The following ZSWIM8 variants were observed in gnomAD, a reference collection of about 807,000 sequenced individuals.
ZSWIM8 encodes the protein zinc finger SWIM-type containing 8.
Under a neutral mutation model 173.7 loss-of-function variants are expected in ZSWIM8, and 27 were observed. That is an observed-to-expected ratio of 0.16 (90% CI 0.11 to 0.21). The LOEUF is 0.21. ZSWIM8 is among the 10% of genes least tolerant of loss of function. ZSWIM8 has a pLI of 1.00. For synonymous variants in ZSWIM8, 958 were observed against 962.0 expected, an observed-to-expected ratio of 1.00 and a Z score of 0.08; for missense variants, 1,627 against 2,428.8, an observed-to-expected ratio of 0.67 and a Z score of 6.94.
intron 1 of ZSWIM8, among the ~76,000 whole-genome samples, chr10:73,787,560 TA>T (rs1373189936): frequency 6.6e-6 from 1 of 152,072 alleles, no homozygotes; most frequent in African/African-American, 2.4e-5. Context: ...ACTTGTAAAA[TA>T]AAGGGGTTGG....
At position 73,794,269 on chromosome 10, in the gene ZSWIM8, C is replaced by T; in HGVS notation, c.2748C>T (p.Asp916=). The change falls in exon 13 of 26, where the codon GAC becomes GAT. Residue 916 remains aspartate, a synonymous_variant. Coordinates refer to ENST00000604729, the MANE Select transcript of ZSWIM8 (RefSeq NM_001367799.1). ...AEELREGTLC[D]YRPVLPLMLA... ...AACTTCGGGAGGGGACACTCTGTGA[C>T]TATCGGCCTGTGTTGCCTCTCATGC... The T allele has an allele frequency of 6.2e-7, 1 of 1,614,016 alleles. No homozygotes were observed. Among genetic ancestry groups the T allele is most frequent in the East Asian group, 2.2e-5 (1 of 44,876 alleles).
intron 14 of ZSWIM8, 28 bp downstream of exon 14, chr10:73,794,667 A>C: frequency 6.5e-7 from 1 of 1,535,442 alleles, no homozygotes; most frequent in African/African-American, 1.4e-5. Flanking sequence ...CAACGAGCTA[A>C]GCCTGGTTCA....
chr10:73,800,975 A>G lies in ZSWIM8; in HGVS notation c.5123-42A>G. 6.6e-7 allele frequency: 1 copy of G among 1,512,222 alleles called. No homozygotes were observed. Among genetic ancestry groups the G allele is most frequent in the Non-Finnish European group, 8.9e-7 (1 of 1,118,710 alleles). The allele number at this position is 1,512,222 out of a possible 1,614,324, so 93.7% of individuals were successfully genotyped here. On this transcript the variant is annotated intron_variant, in intron 24 of 25. Transcript: ENST00000604729. The surrounding 1 kb of genome is among the most constrained non-coding windows in gnomAD (Gnocchi z 4.1). The stretch of plus-strand genomic sequence containing the variant: ...TCTGTAAGTTGGGTCCCTAGGGCAG[A>G]GGTGGCCACCCCCGTCTCATGCCCC...
chr10:73,799,912 C>CTCA (rs1565088375), intron 21 of ZSWIM8, 99 bp from the exon 22 acceptor site: 79 of 1,031,646 alleles, frequency 7.7e-5, no homozygotes, highest in Non-Finnish European at 9.1e-5. Context: ...GACTCTATCT[C>CTCA]AAAAAAAACA....
At chr10:73,787,829 G>A (rs1339381237) in intron 1 of ZSWIM8, among the ~76,000 whole-genome samples, 1 of 151,828 alleles carries the variant, frequency 6.6e-6, no homozygotes, top group Non-Finnish European at 1.5e-5. Context: ...CTCCAGCCTG[G>A]GTGACAGAGT....
intron 7 of ZSWIM8, 118 bp downstream of exon 7, chr10:73,790,410 C>A: frequency 1.4e-6 from 2 of 1,423,070 alleles, no homozygotes; most frequent in Non-Finnish European, 9.5e-7. Flanking sequence ...CCTGAACTGG[C>A]ACAGTGCCTG....
Position 73,799,249 on chromosome 10 carries a change from T to C in ZSWIM8, c.4424T>C (p.Val1475Ala). ...GGCCCAGGGACTGAGCCGGTTACAG[T>C]GGCAGCGGCAGCAGTGACAGCAGCA... ...RGGPGTEPVT[V>A]AAAAVTAAAT... The change falls in exon 21 of 26, where the codon GTG becomes GCG. Residue 1475 changes from valine to alanine, a missense_variant. By Grantham distance (64) the Val-to-Ala change is moderately conservative (BLOSUM62 0). This residue lies in a region of ZSWIM8 where 275 missense variants were observed against 290.1 expected (regional missense o/e 0.95). Transcript: ENST00000604729. The C allele has an allele frequency of 6.2e-7, 1 of 1,601,010 alleles. No individual in the cohort carries two copies. The highest frequency in any genetic ancestry group is 2.3e-5 in the East Asian group (1 of 44,208).
Position 73,801,177 on chromosome 10 carries a change from C to A in ZSWIM8, c.5283C>A (p.Cys1761Ter). 1 of 1,599,926 alleles carries A rather than the reference C, an allele frequency of 6.3e-7. No homozygotes were observed. The highest frequency in any genetic ancestry group is 8.5e-7 in the Non-Finnish European group (1 of 1,173,396). Residue 1761 changes from cysteine (C) to a stop codon, truncating the protein, a stop_gained, in exon 25 of 26, where the codon TGC becomes TGA. Transcript: ENST00000604729. LOFTEE classifies it high-confidence loss of function. This position sits in a 1 kb window ranked among gnomAD's most constrained non-coding sequence, Gnocchi z 4.9. The part of the protein sequence containing the change: ...APAFHQLVQR[C>*]QQAYMQYIHH... Reference sequence around the variant, plus strand: ...CCTTCCACCAACTGGTGCAGCGCTGCCAGCAGGCATACATGCAGGTGACAA... The same window carrying A: ...CCTTCCACCAACTGGTGCAGCGCTGACAGCAGGCATACATGCAGGTGACAA...
At position 73,800,523 on chromosome 10, in the gene ZSWIM8, CT is replaced by C. The variant is rs1297194578; in HGVS notation, c.5002+53del. On this transcript the variant is annotated intron_variant, in intron 23 of 25. Transcript: ENST00000604729. The surrounding 1 kb of genome is among the most constrained non-coding windows in gnomAD (Gnocchi z 4.1). ...CCTACCTGCAGTTGTGCCAGTGGCT[CT>C]TCAGAGGACCCTTCCTCTAGCTCTT... 2.1e-5 allele frequency: 34 copies of C among 1,607,432 alleles called. No individual in the cohort carries two copies. In the East Asian group the frequency reaches 7.4e-4, roughly 35 times the overall value.
rs548106870 is a variant in ZSWIM8 at position 73,797,417 on chromosome 10, G to A, written c.3474G>A (p.Ser1158=). 6 of 1,613,864 alleles carry A rather than the reference G, an allele frequency of 3.7e-6. No individual in the cohort carries two copies. Among genetic ancestry groups the A allele is most frequent in the African/African-American group, 1.3e-5 (1 of 75,004 alleles). ...SIDSSAPETT[S]DSSPTLSRRP... is the part of the protein sequence containing the mutation. ...ACAGCAGTGCCCCTGAAACAACATC[G>A]GATAGTTCCCCCACCTTAAGCCGGA... Residue 1158 remains serine (S), a synonymous_variant, in exon 18 of 26, where the codon TCG becomes TCA. Coordinates refer to ENST00000604729, the MANE Select transcript of ZSWIM8 (RefSeq NM_001367799.1). This position sits in a 1 kb window ranked among gnomAD's most constrained non-coding sequence, Gnocchi z 5.6.
At position 73,791,616 on chromosome 10, in the gene ZSWIM8, G is replaced by A; in HGVS notation, c.1319+117G>A. 7.9e-7 allele frequency: 1 copy of A among 1,260,274 alleles called. No homozygotes were observed. The highest frequency in any genetic ancestry group is 1.1e-6 in the Non-Finnish European group (1 of 937,506). 78.1% of individuals were successfully genotyped at this position (1,260,274 alleles called of 1,614,324 possible). A position where few individuals can be genotyped will look rare whatever the true frequency, so the allele number is the denominator to read the frequency against. ...TGATTTTAGTCCTCGGGAAACGGGA[G>A]GTGCTGAGCACTGGTGTTAGCAGTG... is the stretch of plus-strand genomic sequence containing the variant. On this transcript the variant is annotated intron_variant, in intron 9 of 25. Coordinates refer to ENST00000604729, the MANE Select transcript of ZSWIM8 (RefSeq NM_001367799.1). The surrounding 1 kb of genome is among the most constrained non-coding windows in gnomAD (Gnocchi z 6.0).
chr10:73,790,399 C>G, intron 7 of ZSWIM8, 107 bp downstream of exon 7: 1 of 1,471,110 alleles, frequency 6.8e-7, no homozygotes, highest in African/African-American at 1.4e-5. Flanking sequence ...ACCTTTTATT[C>G]CCTGAACTGG....
intron 7 of ZSWIM8, among the ~76,000 whole-genome samples, 166 bp from the exon 8 acceptor site, chr10:73,790,809 A>G (rs756699203): frequency 2.0e-5 from 3 of 152,118 alleles, no homozygotes; most frequent in Non-Finnish European, 4.4e-5. Context: ...AGATCGCGCC[A>G]TTGCACTCAA....
rs2132702007 is a variant in ZSWIM8, at chr10:73,792,619, G to C, written c.2080G>C (p.Gly694Arg). Residue 694 changes from glycine to arginine, a missense_variant, in exon 10 of 26, where the codon GGG becomes CGG. Coordinates refer to ENST00000604729, the MANE Select transcript of ZSWIM8 (RefSeq NM_001367799.1). This position sits in a 1 kb window ranked among gnomAD's most constrained non-coding sequence, Gnocchi z 4.3. Reference sequence around the variant, plus strand: ...TGTTGGCCCCCCTGGCCTACTGCCTGGGGATGTCTGTACCCAGGACGACCT... The same window carrying C: ...TGTTGGCCCCCCTGGCCTACTGCCTCGGGATGTCTGTACCCAGGACGACCT... ...ASVGPPGLLP[G>R]DVCTQDDLPS... is the part of the protein sequence containing the mutation. 1 of 1,613,996 alleles carries C rather than the reference G, an allele frequency of 6.2e-7. No homozygotes were observed. The highest frequency in any genetic ancestry group is 2.2e-5 in the East Asian group (1 of 44,878).
chr10:73,800,453 G>T lies in ZSWIM8; in HGVS notation c.4983G>T (p.Leu1661=). The T allele has an allele frequency of 3.7e-6, 6 of 1,613,868 alleles. No individual in the cohort carries two copies. Among genetic ancestry groups the T allele is most frequent in the Non-Finnish European group, 5.1e-6 (6 of 1,179,844 alleles). ...TCAATCCCCACAGCCTGCACCACCT[G>T]CATGCTGCCTACCGTGTCGGTGAGA... is the stretch of plus-strand genomic sequence containing the variant. ...QPVNPHSLHH[L]HAAYRVGMLA... is the part of the protein sequence containing the mutation. The change falls in exon 23 of 26, where the codon CTG becomes CTT. Residue 1661 remains leucine (L), a synonymous_variant. Transcript: ENST00000604729. This position sits in a 1 kb window ranked among gnomAD's most constrained non-coding sequence, Gnocchi z 4.1.
At position 73,792,302 on chromosome 10, in the gene ZSWIM8, T is replaced by G; in HGVS notation, c.1763T>G (p.Leu588Arg). The G allele has an allele frequency of 6.2e-7, 1 of 1,612,016 alleles. No homozygotes were observed. Among genetic ancestry groups the G allele is most frequent in the Non-Finnish European group, 8.5e-7 (1 of 1,178,990 alleles). The stretch of plus-strand genomic sequence containing the variant: ...CCAGGTGGGGGCAAAGCCAAGGCAC[T>G]GGGTGGGGCTGGCAGTGGGAGCAAG... ...MGPGGGKAKA[L>R]GGAGSGSKGS... The change falls in exon 10 of 26, where the codon CTG becomes CGG. Residue 588 changes from leucine to arginine, a missense_variant. Leu to Arg is a moderately radical substitution (Grantham distance 102). Transcript: ENST00000604729. The surrounding 1 kb of genome is among the most constrained non-coding windows in gnomAD (Gnocchi z 4.3).
In ZSWIM8 at chr10:73,789,943, C is replaced by T. The variant is rs2083357873; in HGVS notation, c.739-13C>T. Reference sequence around the variant, plus strand: ...GGCCGTGTTCTGCCTGCCTCCGTCTCTTTCTCCCTCAGATCCTCCCCACAG... The same window carrying T: ...GGCCGTGTTCTGCCTGCCTCCGTCTTTTTCTCCCTCAGATCCTCCCCACAG... On this transcript the variant is annotated splice_polypyrimidine_tract_variant and intron_variant, in intron 5 of 25. Coordinates refer to ENST00000604729, the MANE Select transcript of ZSWIM8 (RefSeq NM_001367799.1). This position sits in a 1 kb window ranked among gnomAD's most constrained non-coding sequence, Gnocchi z 6.8. 1.2e-6 allele frequency: 2 copies of T among 1,611,620 alleles called. No individual in the cohort carries two copies. Among genetic ancestry groups the T allele is most frequent in the East Asian group, 2.2e-5 (1 of 44,812 alleles).
intron 15 of ZSWIM8, 35 bp downstream of exon 15, chr10:73,795,698 C>CTG: frequency 6.3e-7 from 1 of 1,597,682 alleles, no homozygotes; most frequent in Non-Finnish European, 8.5e-7. Flanking sequence ...TGGCTCATGC[C>CTG]TGTAATCCCA....
At chr10:73,790,652 C>G (rs555194348) in intron 7 of ZSWIM8, among the ~76,000 whole-genome samples, 233 of 152,180 alleles carry the variant, frequency 1.5e-3, no homozygotes, top group Middle Eastern at 0.01. Flanking sequence ...AGTTCGAGAC[C>G]AGCCTGGCCA....
Sources: gnomAD v4.1 joint callset for allele counts (sites outside exome capture counted in the v4.1 genomes callset) on GRCh38, gnomAD v4.1.1 for gene constraint, gnomAD v4.1.1 regional missense constraint, Gnocchi (gnomAD v3.1) non-coding constraint, MANE v1.5 for transcripts, NCBI Gene and HGNC (gene_info 2026-07-23, HGNC 2026-07-21) for gene names.